The following MGAT5 variants were observed in gnomAD, a reference collection of about 807,000 sequenced individuals.
MGAT5 encodes alpha-1,6-mannosylglycoprotein 6-beta-N-acetylglucosaminyltransferase.
Under a neutral mutation model 94.3 loss-of-function variants are expected in MGAT5, and 30 were observed. The observed-to-expected ratio is 0.32, with a 90% CI of 0.24 to 0.43. The LOEUF (loss-of-function observed/expected upper bound fraction) is 0.43. Among genes scored for constraint, MGAT5 ranks in the 20% least tolerant of loss-of-function variants. The pLI, the probability that MGAT5 is intolerant of heterozygous loss-of-function variation, is 1.00. For missense variants in MGAT5, 691 were observed against 905.5 expected (o/e 0.76, Z 3.04); for synonymous variants, 310 against 322.9 (o/e 0.96, Z 0.43).
chr2:134,428,385 T>C lies in MGAT5; in HGVS notation c.1815T>C (p.Tyr605=). The change falls in exon 14 of 16, where the codon TAT becomes TAC. Residue 605 remains tyrosine, a synonymous_variant. Coordinates refer to ENST00000281923, the MANE Select transcript of MGAT5 (RefSeq NM_002410.5). ...LNQKIEPYMP[Y]EFTCEGMLQR... ...CACAGATTGAGCCATACATGCCATA[T>C]GAATTTACGTGCGAGGGGATGCTAC... is the stretch of plus-strand genomic sequence containing the variant. 1 of 1,614,124 alleles carries C rather than the reference T, an allele frequency of 6.2e-7. No individual in the cohort carries two copies. Among genetic ancestry groups the C allele is most frequent in the Non-Finnish European group, 8.5e-7 (1 of 1,179,982 alleles).
chr2:134,238,907 C>T (rs562259473), intron 1 of MGAT5, among the ~76,000 whole-genome samples: 7 of 152,340 alleles, frequency 4.6e-5, no homozygotes, highest in Admixed American at 3.9e-4. Flanking sequence ...CATGCCACTA[C>T]TGTATTCCAG....
intron 1 of MGAT5, among the ~76,000 whole-genome samples, chr2:134,238,656 G>C (rs1000755432): frequency 2.0e-5 from 3 of 152,186 alleles, no homozygotes; most frequent in Admixed American, 6.5e-5. Context: ...ATGAAATATG[G>C]CCCTAGGCCA....
intron 10 of MGAT5, among the ~76,000 whole-genome samples, chr2:134,383,158 A>G (rs111247181): frequency 2.6e-5 from 4 of 152,354 alleles, no homozygotes; most frequent in African/African-American, 9.6e-5. Context: ...GATTTCAGAG[A>G]CAGCGTTATA....
intron 1 of MGAT5, among the ~76,000 whole-genome samples, chr2:134,148,586 C>T (rs1230067945): frequency 2.6e-5 from 4 of 152,176 alleles, no homozygotes; most frequent in Admixed American, 2.6e-4. Flanking sequence ...CTATTGCTGA[C>T]AAGTTTTGTG....
intron 9 of MGAT5, among the ~76,000 whole-genome samples, chr2:134,359,936 T>C (rs6738249): frequency 0.97 from 147,451 of 152,254 alleles, 71,483 homozygotes; most frequent in East Asian, 1. Context: ...GGGCGAGTCA[T>C]GGCTGAGCAA....
At chr2:134,284,287 CCATGGGCCAA>C (rs973659188) in intron 2 of MGAT5, among the ~76,000 whole-genome samples, 6 of 152,058 alleles carry the variant, frequency 3.9e-5, no homozygotes, top group African/African-American at 1.4e-4. Context: ...AAACTGTGGC[CCATGGGCCAA>C]ATTAGTCCAC....
intron 1 of MGAT5, among the ~76,000 whole-genome samples, chr2:134,160,068 G>C (rs1687659200): frequency 6.6e-6 from 1 of 152,182 alleles, no homozygotes; most frequent in African/African-American, 2.4e-5. Context: ...GCTTTCCTAG[G>C]AAGGGGGATG....
rs1325854243 is a variant in MGAT5 at position 134,453,884 on chromosome 2, T to G, written c.*5037T>G. On this transcript the variant is annotated 3_prime_UTR_variant, in exon 16 of 16. Transcript: ENST00000281923. Reference sequence around the variant, plus strand: ...TTTAGCCTCTTACTTCCCTGATGGATTCAAAGTTTTATCTATCTCCTTATC... The same window carrying G: ...TTTAGCCTCTTACTTCCCTGATGGAGTCAAAGTTTTATCTATCTCCTTATC... The G allele has an allele frequency of 6.6e-6, 1 of 152,170 alleles. No individual in the cohort carries two copies. Among genetic ancestry groups the G allele is most frequent in the East Asian group, 1.9e-4 (1 of 5,184 alleles). The allele number at this position is 152,170 out of a possible 1,614,324, so 9.4% of individuals were successfully genotyped here. A position where few individuals can be genotyped will look rare whatever the true frequency, so the allele number is the denominator to read the frequency against.
intron 1 of MGAT5, among the ~76,000 whole-genome samples, chr2:134,183,862 G>A (rs1046825468): frequency 2.0e-5 from 3 of 152,184 alleles, no homozygotes; most frequent in African/African-American, 7.2e-5. Context: ...TGGGCAGCAG[G>A]CCATGCGGGA....
chr2:134,208,300 A>G (rs778987335), intron 1 of MGAT5, among the ~76,000 whole-genome samples: 4 of 152,338 alleles, frequency 2.6e-5, no homozygotes, highest in Non-Finnish European at 5.9e-5. Context: ...TTGACAGCAT[A>G]TAGCAGCTTA....
chr2:134,381,243 C>T (rs973892289), intron 10 of MGAT5, among the ~76,000 whole-genome samples: 1 of 152,014 alleles, frequency 6.6e-6, no homozygotes, highest in East Asian at 1.9e-4. Context: ...GAAGCCAGGA[C>T]GATTGCTTGT....
chr2:134,252,238 A>T (rs1443246471), upstream of MGAT5, among the ~76,000 whole-genome samples: 35 of 152,174 alleles, frequency 2.3e-4, no homozygotes, highest in Non-Finnish European at 1.5e-5. Context: ...GAGAGCACTC[A>T]TGTGCCAGCT....
At chr2:134,430,487 G>T (rs1409034773) in intron 14 of MGAT5, among the ~76,000 whole-genome samples, 2 of 152,154 alleles carry the variant, frequency 1.3e-5, no homozygotes, top group Non-Finnish European at 2.9e-5. Context: ...CACATGGTCG[G>T]TGCACAGTAA....
intron 12 of MGAT5, among the ~76,000 whole-genome samples, chr2:134,419,977 T>C (rs1237667735): frequency 6.6e-6 from 1 of 152,220 alleles, no homozygotes; most frequent in Non-Finnish European, 1.5e-5. Flanking sequence ...AATACAGGCA[T>C]AAATTCAGTC....
chr2:134,248,651 G>T (rs1005063865), intron 1 of MGAT5, among the ~76,000 whole-genome samples: 6 of 151,586 alleles, frequency 4.0e-5, no homozygotes, highest in Admixed American at 1.3e-4. Context: ...GGACAGAGAG[G>T]TCTGGGAACC....
At chr2:134,156,002 T>C (rs1462250620) in intron 1 of MGAT5, among the ~76,000 whole-genome samples, 2 of 152,240 alleles carry the variant, frequency 1.3e-5, no homozygotes, top group African/African-American at 4.8e-5. Context: ...TTTGTAATTC[T>C]GTATTCATCC....
chr2:134,321,079 T>G (rs190823927), intron 4 of MGAT5, among the ~76,000 whole-genome samples: 2 of 152,170 alleles, frequency 1.3e-5, no homozygotes. Context: ...AGCATTTATA[T>G]GAGTTTCTGG....
chr2:134,357,859 T>TAGTA (rs1679842431), intron 9 of MGAT5, among the ~76,000 whole-genome samples: 1 of 141,264 alleles, frequency 7.1e-6, no homozygotes, highest in East Asian at 2.1e-4. Context: ...TTGAAGAAAC[T>TAGTA]AGTATCACCA....
intron 1 of MGAT5, among the ~76,000 whole-genome samples, chr2:134,199,943 GGT>G: frequency 6.6e-6 from 1 of 151,912 alleles, no homozygotes; most frequent in Non-Finnish European, 1.5e-5. Flanking sequence ...AAGCTTCAGT[GGT>G]CCAGTGAAAA....
Sources: allele counts gnomAD v4.1 joint callset (sites outside exome capture counted in the v4.1 genomes callset), GRCh38; gene constraint gnomAD v4.1.1; transcripts MANE v1.5; gene names NCBI Gene and HGNC (gene_info 2026-07-23, HGNC 2026-07-21).